DLC1: variants seen among roughly 807,000 people sequenced by gnomAD.
DLC1 encodes DLC1 Rho GTPase activating protein, also known as rho GTPase-activating protein 7.
DLC1 carries 54 observed loss-of-function variants against 140.3 expected under a neutral mutation model. That is an observed-to-expected ratio of 0.38 (90% CI 0.31 to 0.48). The LOEUF (loss-of-function observed/expected upper bound fraction) is 0.48. Among genes scored for constraint, DLC1 ranks in the 20% least tolerant of loss-of-function variants. The probability of loss-of-function intolerance (pLI) is 0.96; values close to 1 mark genes in which losing one functional copy is unlikely to be tolerated. For synonymous variants in DLC1, 986 were observed against 728.1 expected (o/e 1.35, Z -5.70); for missense variants, 2,536 against 1,907.0 (o/e 1.33, Z -6.14).
intron 5 of DLC1, among the ~76,000 whole-genome samples, chr8:13,297,585 G>T (rs1490515481): frequency 6.6e-6 from 1 of 152,046 alleles, no homozygotes; most frequent in East Asian, 1.9e-4. Context: ...GGAGTACTGC[G>T]CTGAATGAAA....
At chr8:13,286,371 G>C (rs188286672) in intron 5 of DLC1, among the ~76,000 whole-genome samples, 1 of 152,018 alleles carries the variant, frequency 6.6e-6, no homozygotes, top group Non-Finnish European at 1.5e-5. Context: ...GTTGTGTTAA[G>C]TGGATTAAAT....
chr8:13,256,836 C>G (rs373989201), intron 5 of DLC1, among the ~76,000 whole-genome samples: 351 of 148,230 alleles, frequency 2.4e-3, no homozygotes, highest in African/African-American at 8.2e-3. Context: ...ACGTGTATAC[C>G]TATGTAACAA....
chr8:13,163,549 T>G (rs1015001100), intron 5 of DLC1, among the ~76,000 whole-genome samples: 2 of 151,572 alleles, frequency 1.3e-5, no homozygotes, highest in Admixed American at 1.3e-4. Flanking sequence ...GTGTGTGGGG[T>G]GGGATGGGAA....
intron 5 of DLC1, among the ~76,000 whole-genome samples, chr8:13,139,986 C>T (rs1359801825): frequency 1.3e-5 from 2 of 152,144 alleles, no homozygotes; most frequent in African/African-American, 4.8e-5. Flanking sequence ...TATTGTGTGA[C>T]GATCACCGTT....
Position 13,575,551 on chromosome 8 carries a change from G to A in DLC1, c.-126+28986C>T, listed in dbSNP as rs79573536. On this transcript the variant is annotated intron_variant, in intron 1 of 1. Transcript: ENST00000631382. ...TCTTATCAGCTAGCACAGATATGGGGCAGAAGAGTGGGGCTTGAAAGCCTT... is the reference window on the plus strand; with the variant it reads ...TCTTATCAGCTAGCACAGATATGGGACAGAAGAGTGGGGCTTGAAAGCCTT... 3.3e-3 allele frequency among the ~76,000 whole-genome samples: 504 copies of A among 152,230 alleles called. 3 individuals are homozygous for A. Among genetic ancestry groups the A allele is most frequent in the African/African-American group, 0.011 (467 of 41,524 alleles).
chr8:13,197,049 T>C (rs1000224432), intron 5 of DLC1, among the ~76,000 whole-genome samples: 1 of 152,244 alleles, frequency 6.6e-6, no homozygotes, highest in Non-Finnish European at 1.5e-5. Context: ...AATGAATGAA[T>C]GAGAACCTAT....
intron 4 of DLC1, among the ~76,000 whole-genome samples, chr8:13,356,620 T>G (rs1834954494): frequency 2.0e-5 from 3 of 152,178 alleles, no homozygotes. Flanking sequence ...CATAATAATC[T>G]GTGCTAATTT....
chr8:13,351,922 C>T (rs546436388), intron 4 of DLC1, among the ~76,000 whole-genome samples: 171 of 152,272 alleles, frequency 1.1e-3, no homozygotes, highest in Middle Eastern at 3.4e-3. Context: ...AACATAGAGA[C>T]GGTGTTTCAC....
At chr8:13,120,956 T>C (rs997063034) in intron 5 of DLC1, among the ~76,000 whole-genome samples, 1 of 152,144 alleles carries the variant, frequency 6.6e-6, no homozygotes, top group African/African-American at 2.4e-5. Context: ...GCAACAGTAA[T>C]TGGGTCTAAA....
At chr8:13,127,011 T>C (rs1821639704) in intron 5 of DLC1, among the ~76,000 whole-genome samples, 2 of 152,150 alleles carry the variant, frequency 1.3e-5, no homozygotes, top group African/African-American at 4.8e-5. Flanking sequence ...CAGGTACTTG[T>C]TAGGAGTATA....
At chr8:13,464,374 A>T (rs1799825685) in intron 2 of DLC1, among the ~76,000 whole-genome samples, 1 of 152,176 alleles carries the variant, frequency 6.6e-6, no homozygotes, top group African/African-American at 2.4e-5. Context: ...GAGCATTTGC[A>T]ATCTAATTAG....
chr8:13,499,230 G>T lies in DLC1; in HGVS notation c.842C>A (p.Pro281His). The change falls in exon 2 of 18, where the codon CCT becomes CAT. Residue 281 changes from proline to histidine, a missense_variant. Physicochemically the swap from Pro to His is moderately conservative, Grantham distance 77. Coordinates refer to ENST00000276297, the MANE Select transcript of DLC1 (RefSeq NM_182643.3). ...KTDFGSCLLQ[P>H]PSCPNGMSAE... is the part of the protein sequence containing the mutation. The stretch of plus-strand genomic sequence containing the variant: ...TGACATTCCATTGGGGCAGGAAGGA[G>T]GCTGCAGAAGGCAGCTTCCAAAATC... 6.2e-7 allele frequency: 1 copy of T among 1,614,184 alleles called. No homozygotes were observed. The highest frequency in any genetic ancestry group is 1.1e-5 in the South Asian group (1 of 91,086).
chr8:13,163,085 A>G (rs748328646), intron 5 of DLC1, among the ~76,000 whole-genome samples: 1 of 152,282 alleles, frequency 6.6e-6, no homozygotes, highest in African/African-American at 2.4e-5. Flanking sequence ...ACCAGCACAC[A>G]TACATGAAGA....
At chr8:13,256,930 A>G (rs1052067818) in intron 5 of DLC1, among the ~76,000 whole-genome samples, 1 of 151,844 alleles carries the variant, frequency 6.6e-6, no homozygotes, top group African/African-American at 2.4e-5. Flanking sequence ...AGATACGCAG[A>G]ACTGCCTTGG....
intron 5 of DLC1, among the ~76,000 whole-genome samples, chr8:13,219,546 A>T (rs1278798061): frequency 6.6e-6 from 1 of 151,080 alleles, no homozygotes; most frequent in Non-Finnish European, 1.5e-5. Context: ...ATTTATATTT[A>T]TACATCTAAA....
At chr8:13,361,663 T>C (rs1052381190) in intron 4 of DLC1, among the ~76,000 whole-genome samples, 7 of 152,172 alleles carry the variant, frequency 4.6e-5, no homozygotes, top group African/African-American at 9.7e-5. Context: ...TATTATTATT[T>C]CCTATATTTC....
intron 4 of DLC1, among the ~76,000 whole-genome samples, chr8:13,368,804 G>C (rs1214750190): frequency 6.6e-6 from 1 of 152,082 alleles, no homozygotes; most frequent in African/African-American, 2.4e-5. Flanking sequence ...TGTTCTTCCT[G>C]CTCAGTCCAT....
intron 9 of DLC1, among the ~76,000 whole-genome samples, chr8:13,098,803 A>C (rs1213783094): frequency 1.3e-5 from 2 of 151,908 alleles, no homozygotes; most frequent in Non-Finnish European, 2.9e-5. Flanking sequence ...TTTTGTAGAG[A>C]TAGAGTCTCC....
intron 1 of DLC1, among the ~76,000 whole-genome samples, chr8:13,503,221 T>C (rs7818166): frequency 0.79 from 120,087 of 151,944 alleles, 49,514 homozygotes; most frequent in Non-Finnish European, 0.93. Context: ...CTGGGTAACA[T>C]AGAGAGATGA....
Sources: allele counts gnomAD v4.1 joint callset (sites outside exome capture counted in the v4.1 genomes callset), GRCh38; gene constraint gnomAD v4.1.1; transcripts MANE v1.5; gene names NCBI Gene and HGNC (gene_info 2026-07-23, HGNC 2026-07-21).